GLDC: variants seen among roughly 807,000 people sequenced by gnomAD.
GLDC encodes the protein glycine decarboxylase.
In GLDC, 104 loss-of-function variants were observed where a neutral mutation model predicts 121.3. The observed-to-expected ratio is 0.86, with a 90% CI of 0.73 to 1.01. The LOEUF is 1.01. Ranked by LOEUF, GLDC falls within the 50% of genes least tolerant of loss-of-function variation. The pLI is 0.00. For synonymous variants in GLDC, 546 were observed against 480.6 expected (o/e 1.14, Z -1.78); for missense variants, 1,429 against 1,306.6 (o/e 1.09, Z -1.44).
intron 21 of GLDC, among the ~76,000 whole-genome samples, chr9:6,545,664 A>C (rs1298188184): frequency 6.6e-6 from 1 of 152,210 alleles, no homozygotes; most frequent in African/African-American, 2.4e-5. Flanking sequence ...TTTTTGAGAC[A>C]GAGTCTCAAT....
chr9:6,548,343 C>T (rs1459712475), intron 21 of GLDC, among the ~76,000 whole-genome samples: 1 of 145,840 alleles, frequency 6.9e-6, no homozygotes, highest in African/African-American at 2.4e-5. Context: ...AGCCAATACA[C>T]AAGCAGGATA....
intron 23 of GLDC, 130 bp downstream of exon 23, chr9:6,535,934 T>C (rs2129648869): frequency 2.4e-6 from 2 of 832,402 alleles, no homozygotes; most frequent in Non-Finnish European, 4.1e-6. Flanking sequence ...CTGCATCTTC[T>C]CAGAAGAATT....
intron 21 of GLDC, chr9:6,540,974 T>C (rs1210522949): frequency 6.6e-6 from 1 of 152,182 alleles, no homozygotes. Flanking sequence ...CAGGGCAACA[T>C]GGCCAAACCC....
In GLDC at chr9:6,539,074, A is replaced by G. The variant is rs777089636; in HGVS notation, c.2665+977T>C. ...TTTTCTTTTTTTCCAAAAACAAGTC[A>G]TTAAAACTCAGAGAGGACTCCATAT... On this transcript the variant is annotated intron_variant, in intron 22 of 24. Transcript: ENST00000321612. Among the ~76,000 whole-genome samples, 39 of 152,198 alleles carry G rather than the reference A, an allele frequency of 2.6e-4. 1 individual carries two copies. The highest frequency in any genetic ancestry group is 6.5e-5 in the Admixed American group (1 of 15,278).
At chr9:6,598,986 G>C (rs1818544964) in intron 8 of GLDC, among the ~76,000 whole-genome samples, 1 of 152,076 alleles carries the variant, frequency 6.6e-6, no homozygotes, top group African/African-American at 2.4e-5. Context: ...TTCGAGACCA[G>C]CCTGGCCAGC....
chr9:6,554,530 C>G (rs988902343), intron 19 of GLDC, 139 bp downstream of exon 19: 1 of 725,638 alleles, frequency 1.4e-6, no homozygotes. Flanking sequence ...TGCTGCTCCT[C>G]CCCCAGCCCC....
chr9:6,559,423 G>A (rs1381051826), intron 16 of GLDC, among the ~76,000 whole-genome samples: 1 of 150,586 alleles, frequency 6.6e-6, no homozygotes, highest in African/African-American at 2.4e-5. Flanking sequence ...GCTGAGGCAG[G>A]AGAATTGGTT....
chr9:6,556,009 A>G (rs569759191), intron 18 of GLDC, 144 bp downstream of exon 18: 3 of 659,496 alleles, frequency 4.5e-6, no homozygotes, highest in Admixed American at 2.5e-5. Context: ...TTCCAAGGCC[A>G]TGAGAGATCA....
chr9:6,642,272 G>A (rs1057421198), intron 2 of GLDC, among the ~76,000 whole-genome samples: 1 of 152,202 alleles, frequency 6.6e-6, no homozygotes, highest in Non-Finnish European at 1.5e-5. Flanking sequence ...GCTCATGCCT[G>A]TAATCCCAGC....
chr9:6,639,668 A>AAATATATAT, intron 2 of GLDC: 7 of 250,596 alleles, frequency 2.8e-5, no homozygotes, highest in Admixed American at 6.5e-5. Context: ...ATAAAAAAAA[A>AAATATATAT]GTATATATAT....
In GLDC at chr9:6,589,295, G is replaced by C. The variant is rs771352774; in HGVS notation, c.1483-3C>G. 5 of 1,584,960 alleles carry C rather than the reference G, an allele frequency of 3.2e-6. No individual in the cohort carries two copies. In the Admixed American group the frequency reaches 5.0e-5, roughly 16 times the overall value. On this transcript the variant is annotated splice_polypyrimidine_tract_variant and splice_region_variant and intron_variant, in intron 11 of 24. Coordinates refer to ENST00000321612, the MANE Select transcript of GLDC (RefSeq NM_000170.3). ...CCCATGCTTTCAGCAACCAGTTCCT[G>C]AAGGAGAAACACAGAGATGATAGGG...
intron 15 of GLDC, among the ~76,000 whole-genome samples, chr9:6,575,911 G>C (rs564956160): frequency 2.6e-5 from 4 of 152,252 alleles, no homozygotes; most frequent in African/African-American, 7.2e-5. Context: ...GAAATGAAAA[G>C]GTAATTAAAT....
intron 15 of GLDC, among the ~76,000 whole-genome samples, chr9:6,575,507 T>C (rs947649901): frequency 2.6e-5 from 4 of 152,206 alleles, no homozygotes; most frequent in East Asian, 1.9e-4. Context: ...GGCTCAGTAA[T>C]TGCACAAGCC....
In GLDC at chr9:6,534,701, A is replaced by G. The variant is rs762672158; in HGVS notation, c.2919+7T>C. The G allele has an allele frequency of 2.0e-6, 3 of 1,513,040 alleles. No individual in the cohort carries two copies. In the South Asian group the frequency reaches 3.4e-5, roughly 17 times the overall value. The allele number at this position is 1,513,040 out of a possible 1,614,324, so 93.7% of individuals were successfully genotyped here. A position where few individuals can be genotyped will look rare whatever the true frequency, so the allele number is the denominator to read the frequency against. On this transcript the variant is annotated splice_region_variant and intron_variant, in intron 24 of 24. Coordinates refer to ENST00000321612, the MANE Select transcript of GLDC (RefSeq NM_000170.3). ...CCAGCTGGCACATTCAGATTCAGAG[A>G]ACTTACGAGTGGGAATGCTGCCACC...
intron 7 of GLDC, among the ~76,000 whole-genome samples, chr9:6,603,239 A>T (rs1329067850): frequency 6.6e-6 from 1 of 151,812 alleles, no homozygotes; most frequent in East Asian, 1.9e-4. Context: ...AAAAATAAAA[A>T]AAAAAAAACA....
chr9:6,639,356 A>C, intron 2 of GLDC: 2 of 940,054 alleles, frequency 2.1e-6, no homozygotes, highest in Non-Finnish European at 3.5e-6. Context: ...AACAAGCTTG[A>C]CCACTATGCT....
At chr9:6,630,848 A>G (rs1819360703) in intron 2 of GLDC, among the ~76,000 whole-genome samples, 1 of 151,522 alleles carries the variant, frequency 6.6e-6, no homozygotes, top group Non-Finnish European at 1.5e-5. Context: ...CATTTATAGC[A>G]CTCCTTTCTC....
chr9:6,635,742 G>C (rs1205734698), intron 2 of GLDC, among the ~76,000 whole-genome samples: 1 of 151,928 alleles, frequency 6.6e-6, no homozygotes, highest in Non-Finnish European at 1.5e-5. Context: ...CAGGTGCTGT[G>C]GTTCTCCTTG....
Position 6,559,470 on chromosome 9 carries a change from G to A in GLDC, c.1927-786C>T, listed in dbSNP as rs1487683098. ...GTGTAGGTTGCGGTGAGCCGAGATT[G>A]CGCTATTGCACTCCAGCCTGGGCGA... On this transcript the variant is annotated intron_variant, in intron 16 of 24. Transcript: ENST00000321612. Among the ~76,000 whole-genome samples the A allele has an allele frequency of 2.1e-5, 3 of 141,556 alleles. No individual in the cohort carries two copies. The Admixed American group carries it at 2.3e-4, about 11-fold the overall frequency. The allele number at this position is 141,556 out of a possible 152,430, so 92.9% of individuals were successfully genotyped here.
Sources: gnomAD v4.1 joint callset for allele counts (sites outside exome capture counted in the v4.1 genomes callset) on GRCh38, gnomAD v4.1.1 for gene constraint, MANE v1.5 for transcripts, NCBI Gene and HGNC (gene_info 2026-07-23, HGNC 2026-07-21) for gene names.